The following TRMT9B variants were observed in gnomAD, a reference collection of about 807,000 sequenced individuals.
The protein encoded by TRMT9B is tRNA methyltransferase 9B (putative).
In TRMT9B, 16 loss-of-function variants were observed where a neutral mutation model predicts 11.5. The observed-to-expected ratio is 1.39, with a 90% confidence interval of 0.94 to 2.11. TRMT9B has a LOEUF of 2.11. Among genes scored for constraint, TRMT9B ranks in the 30% most tolerant of loss-of-function variants. The probability of loss-of-function intolerance (pLI) is 0.00; values close to 1 mark genes in which losing one functional copy is unlikely to be tolerated. For synonymous variants in TRMT9B, 274 were observed against 192.4 expected (o/e 1.42, Z -3.51); for missense variants, 941 against 553.8 (o/e 1.70, Z -7.02).
intron 2 of TRMT9B, among the ~76,000 whole-genome samples, chr8:12,995,230 C>T (rs904560165): frequency 2.0e-5 from 3 of 152,176 alleles, no homozygotes; most frequent in African/African-American, 7.2e-5. Context: ...AGTTTCTTAA[C>T]ACAAAGCTTC....
At position 13,010,416 on chromosome 8, in the gene TRMT9B, G is replaced by A. The variant is rs1811379319; in HGVS notation, c.155-2268G>A. The A allele has an allele frequency of 3.0e-6, 3 of 984,586 alleles. No homozygotes were observed. The African/African-American group carries it at 5.2e-5, about 17-fold the overall frequency. The allele number at this position is 984,586 out of a possible 1,614,324, so 61.0% of individuals were successfully genotyped here. On this transcript the variant is annotated intron_variant, in intron 3 of 4. Coordinates refer to ENST00000524591, the MANE Select transcript of TRMT9B (RefSeq NM_020844.3). ...GATGGTAATATGACTGTCCTCTAAA[G>A]GAAATGGTTTCTGTTGCTAGGTTTT...
At chr8:13,018,899 A>C (rs1813300896) in intron 4 of TRMT9B, among the ~76,000 whole-genome samples, 2 of 152,226 alleles carry the variant, frequency 1.3e-5, no homozygotes, top group Admixed American at 1.3e-4. Flanking sequence ...CAAAATCACC[A>C]ACAAGAAGCA....
chr8:12,952,663 A>T, intron 1 of TRMT9B: 1 of 983,050 alleles, frequency 1.0e-6, no homozygotes, highest in Non-Finnish European at 1.2e-6. Flanking sequence ...TTCAAAGCTC[A>T]CGATGAAAAT....
intron 1 of TRMT9B, among the ~76,000 whole-genome samples, chr8:12,985,700 C>G (rs547592860): frequency 6.6e-6 from 1 of 152,142 alleles, no homozygotes; most frequent in South Asian, 2.1e-4. Context: ...AGAGCTCTAT[C>G]ATACATGGCT....
At chr8:13,006,751 C>A in intron 3 of TRMT9B, 2 of 829,678 alleles carry the variant, frequency 2.4e-6, no homozygotes, top group Non-Finnish European at 3.2e-6. Flanking sequence ...TTGCTGCAAA[C>A]TCCGCCTCCC....
chr8:13,004,582 G>C (rs1454332766), intron 2 of TRMT9B, among the ~76,000 whole-genome samples: 1 of 152,058 alleles, frequency 6.6e-6, no homozygotes, highest in Non-Finnish European at 1.5e-5. Flanking sequence ...GCAACCTGCT[G>C]TCTTGAAGGG....
chr8:13,012,742 C>G lies in TRMT9B; in HGVS notation c.213C>G (p.Asp71Glu), dbSNP rs1811886055. 3 of 1,613,946 alleles carry G rather than the reference C, an allele frequency of 1.9e-6. No individual in the cohort carries two copies. Among genetic ancestry groups the G allele is most frequent in the Non-Finnish European group, 2.5e-6 (3 of 1,179,886 alleles). ...GCCAGGTACATACCGTGGGCTGTGA[C>G]TACTGTGGGCCACTGGTAGAGATTG... ...VNSQVHTVGC[D>E]YCGPLVEIAR... Residue 71 changes from aspartate to glutamate, a missense_variant, in exon 4 of 5, where the codon GAC becomes GAG. Asp to Glu is a conservative substitution (Grantham distance 45). Transcript: ENST00000524591.
At chr8:13,011,515 T>C in intron 3 of TRMT9B, 1 of 966,704 alleles carries the variant, frequency 1.0e-6, no homozygotes, top group South Asian at 4.8e-5. Flanking sequence ...TAGGCTCTAA[T>C]GATTTCTTTT....
Position 13,012,850 on chromosome 8 carries a change from C to A in TRMT9B, c.321C>A (p.Ser107=). ...FRDEGFDAII[S]IGVIHHFSTK... Reference sequence around the variant, plus strand: ...ATGAGGGCTTCGATGCCATCATCTCCATAGGAGGTAAGGCAGCCAGATCAC... The same window carrying A: ...ATGAGGGCTTCGATGCCATCATCTCAATAGGAGGTAAGGCAGCCAGATCAC... The change falls in exon 4 of 5, where the codon TCC becomes TCA. Residue 107 remains serine, a synonymous_variant. Coordinates refer to ENST00000524591, the MANE Select transcript of TRMT9B (RefSeq NM_020844.3). 1 of 1,613,678 alleles carries A rather than the reference C, an allele frequency of 6.2e-7. No homozygotes were observed. The highest frequency in any genetic ancestry group is 8.5e-7 in the Non-Finnish European group (1 of 1,179,778).
rs1357837267 is a variant in TRMT9B, at chr8:13,020,971, G to C, written c.329-37G>C. On this transcript the variant is annotated intron_variant, in intron 4 of 4. Coordinates refer to ENST00000524591, the MANE Select transcript of TRMT9B (RefSeq NM_020844.3). The stretch of plus-strand genomic sequence containing the variant: ...TGTATACGTGTGTGGGTTTATGTGT[G>C]TGCATACACACTGAGATCTAGTTTT... The C allele has an allele frequency of 4.3e-6, 6 of 1,388,862 alleles. No homozygotes were observed. The Admixed American group carries it at 1.4e-4, about 33-fold the overall frequency. The allele number at this position is 1,388,862 out of a possible 1,614,324, so 86.0% of individuals were successfully genotyped here.
Position 13,023,177 on chromosome 8 carries a change from C to T in TRMT9B, c.*1133C>T, listed in dbSNP as rs906594286. The T allele has an allele frequency of 1.8e-5, 3 of 166,962 alleles. No individual in the cohort carries two copies. The highest frequency in any genetic ancestry group is 7.2e-5 in the African/African-American group (3 of 41,420). 10.3% of individuals were successfully genotyped at this position (166,962 alleles called of 1,614,324 possible). A position where few individuals can be genotyped will look rare whatever the true frequency, so the allele number is the denominator to read the frequency against. The stretch of plus-strand genomic sequence containing the variant: ...CATGCTTATTAGAAGGATGAATATC[C>T]AAGACCAAGATTGACTAATGATGAG... On this transcript the variant is annotated 3_prime_UTR_variant, in exon 5 of 5. Transcript: ENST00000524591.
intron 4 of TRMT9B, among the ~76,000 whole-genome samples, chr8:13,016,022 G>C (rs932289408): frequency 1.3e-4 from 19 of 150,746 alleles, no homozygotes; most frequent in African/African-American, 4.4e-4. Context: ...GGGGTGAGAG[G>C]ATCCTTTGAG....
At chr8:12,995,400 T>C (rs1371820584) in intron 2 of TRMT9B, among the ~76,000 whole-genome samples, 1 of 152,216 alleles carries the variant, frequency 6.6e-6, no homozygotes, top group Admixed American at 6.5e-5. Context: ...TATATATTTT[T>C]TACCTTTTCT....
chr8:12,982,256 G>A, intron 1 of TRMT9B, among the ~76,000 whole-genome samples: 1 of 152,146 alleles, frequency 6.6e-6, no homozygotes, highest in Middle Eastern at 3.2e-3. Context: ...TAGGGAAGGG[G>A]CAGGGTTACT....
In TRMT9B at chr8:12,998,091, G is replaced by T. The variant is rs74815709; in HGVS notation, c.-2+7060G>T. The stretch of plus-strand genomic sequence containing the variant: ...CTCTCGCCCATTTTTCAATTGTGTT[G>T]TCTTCTATTACTCTGTGATTTGTAA... On this transcript the variant is annotated intron_variant, in intron 2 of 4. Coordinates refer to ENST00000524591, the MANE Select transcript of TRMT9B (RefSeq NM_020844.3). Among the ~76,000 whole-genome samples the T allele has an allele frequency of 1.7e-3, 253 of 152,138 alleles. 1 individual carries two copies. The highest frequency in any genetic ancestry group is 5.4e-3 in the African/African-American group (225 of 41,512).
In TRMT9B at chr8:12,964,741, G is replaced by GC. The variant is rs1164939404; in HGVS notation, c.-200+18775_-200+18776insC. ...AAGCATGCCACCACACCAGGCTAAT[G>GC]TTTTTTGTTTGTTTGTTTGTTTGTT... On this transcript the variant is annotated intron_variant, in intron 1 of 4. Coordinates refer to ENST00000524591, the MANE Select transcript of TRMT9B (RefSeq NM_020844.3). Among the ~76,000 whole-genome samples the GC allele has an allele frequency of 2.2e-3, 265 of 120,384 alleles. 1 individual carries two copies. Among genetic ancestry groups the GC allele is most frequent in the Non-Finnish European group, 2.9e-3 (151 of 52,200 alleles). 79.0% of individuals were successfully genotyped at this position (120,384 alleles called of 152,430 possible).
intron 2 of TRMT9B, among the ~76,000 whole-genome samples, chr8:13,003,898 A>C (rs1809923849): frequency 6.6e-6 from 1 of 150,738 alleles, no homozygotes. Flanking sequence ...GGAAGCACAG[A>C]AGAGGGTGAG....
intron 1 of TRMT9B, among the ~76,000 whole-genome samples, chr8:12,980,235 A>G (rs1471251465): frequency 1.3e-5 from 2 of 151,988 alleles, no homozygotes; most frequent in African/African-American, 2.4e-5. Context: ...GCCTCCTCCA[A>G]TTCCCGGTGG....
In TRMT9B at chr8:12,955,660, G is replaced by A. The variant is rs145400116; in HGVS notation, c.-200+9694G>A. 5.1e-3 allele frequency among the ~76,000 whole-genome samples: 776 copies of A among 152,188 alleles called. 6 individuals carry two copies. The highest frequency in any genetic ancestry group is 0.018 in the African/African-American group (731 of 41,516). ...GTGTTACGTCCCATTTTGCTGTATC[G>A]AATGTGCTCATTTCTACCTTCTCTT... On this transcript the variant is annotated intron_variant, in intron 1 of 4. Transcript: ENST00000524591.
Sources: gnomAD v4.1 joint callset for allele counts (sites outside exome capture counted in the v4.1 genomes callset) on GRCh38, gnomAD v4.1.1 for gene constraint, MANE v1.5 for transcripts, NCBI Gene and HGNC (gene_info 2026-07-23, HGNC 2026-07-21) for gene names.